HMCN1: variants seen among roughly 807,000 people sequenced by gnomAD.
HMCN1 encodes the protein hemicentin 1, also known as hemicentin-1.
In HMCN1, 321 loss-of-function variants were observed where a neutral mutation model predicts 625.9. That is an observed-to-expected ratio of 0.51 (90% CI 0.47 to 0.56). The LOEUF (loss-of-function observed/expected upper bound fraction) is 0.56. HMCN1 is among the 20% of genes least tolerant of loss of function. The pLI is 0.00. For synonymous variants in HMCN1, 2,425 were observed against 2,417.6 expected (o/e 1.00, Z -0.09); for missense variants, 6,588 against 6,887.3 (o/e 0.96, Z 1.54).
chr1:185,990,135 T>C (rs1335110503), intron 21 of HMCN1, 140 bp from the exon 22 acceptor site: 9 of 814,098 alleles, frequency 1.1e-5, no homozygotes, highest in Non-Finnish European at 1.7e-5. Flanking sequence ...AATGTATTAA[T>C]GGAAAGTTTT....
At chr1:185,953,779 T>C (rs1325330448) in intron 11 of HMCN1, among the ~76,000 whole-genome samples, 1 of 151,792 alleles carries the variant, frequency 6.6e-6, no homozygotes, top group Non-Finnish European at 1.5e-5. Context: ...CGCATCCGTG[T>C]GAAGAGACCA....
chr1:185,865,429 G>A (rs1663116724), intron 3 of HMCN1, among the ~76,000 whole-genome samples: 1 of 152,074 alleles, frequency 6.6e-6, no homozygotes, highest in African/African-American at 2.4e-5. Flanking sequence ...ATACAGGGAG[G>A]GGTGAGGAAT....
chr1:186,121,384 G>T (rs1430658436), intron 80 of HMCN1, among the ~76,000 whole-genome samples: 1 of 152,192 alleles, frequency 6.6e-6, no homozygotes, highest in Non-Finnish European at 1.5e-5. Context: ...TGGAGTTGTA[G>T]TGTGTTATTG....
intron 40 of HMCN1, among the ~76,000 whole-genome samples, chr1:186,041,970 A>T (rs1384913134): frequency 2.0e-5 from 3 of 152,164 alleles, no homozygotes; most frequent in Non-Finnish European, 4.4e-5. Flanking sequence ...GACAATGTGG[A>T]CCATGTTGTC....
At position 185,923,421 on chromosome 1, in the gene HMCN1, T is replaced by G; in HGVS notation, c.1053T>G (p.Ser351=). ...GIPTYVLLNT[S]GISTPARIDL... Reference sequence around the variant, plus strand: ...CTACCTATGTACTGCTCAATACTTCTGGAATTTCCACTCCAGCTAGAATAG... The same window carrying G: ...CTACCTATGTACTGCTCAATACTTCGGGAATTTCCACTCCAGCTAGAATAG... The change falls in exon 8 of 107, where the codon TCT becomes TCG. Residue 351 remains serine, a synonymous_variant. Coordinates refer to ENST00000271588, the MANE Select transcript of HMCN1 (RefSeq NM_031935.3). 6.2e-7 allele frequency: 1 copy of G among 1,611,264 alleles called. No homozygotes were observed. The highest frequency in any genetic ancestry group is 1.1e-5 in the South Asian group (1 of 91,020).
intron 4 of HMCN1, among the ~76,000 whole-genome samples, chr1:185,894,118 G>A (rs1336817568): frequency 6.6e-6 from 1 of 151,864 alleles, no homozygotes; most frequent in Non-Finnish European, 1.5e-5. Flanking sequence ...CTGGGCTACA[G>A]AGCGAGACTC....
chr1:186,103,290 C>T (rs568218000), intron 68 of HMCN1, among the ~76,000 whole-genome samples, 182 bp from the exon 69 acceptor site: 1 of 152,184 alleles, frequency 6.6e-6, no homozygotes, highest in South Asian at 2.1e-4. Context: ...AGGCATGATC[C>T]ATCCCTTTTG....
At chr1:185,745,465 C>T (rs78751146) in intron 1 of HMCN1, among the ~76,000 whole-genome samples, 7,294 of 152,222 alleles carry the variant, frequency 0.048, 498 homozygotes, top group African/African-American at 0.16. Context: ...AACAGCCTCC[C>T]GAATATGTAA....
intron 93 of HMCN1, among the ~76,000 whole-genome samples, chr1:186,148,343 G>A (rs1650454547): frequency 1.3e-5 from 2 of 151,984 alleles, no homozygotes; most frequent in African/African-American, 4.8e-5. Context: ...CTATGATGGG[G>A]GGAATCAACT....
chr1:186,115,303 T>C lies in HMCN1; in HGVS notation c.11450T>C (p.Val3817Ala). 1.2e-6 allele frequency: 2 copies of C among 1,614,042 alleles called. No homozygotes were observed. The highest frequency in any genetic ancestry group is 1.7e-6 in the Non-Finnish European group (2 of 1,179,954). ...APGPTNMTVIVNVQTTLACEA... is the reference protein window; with the variant it reads ...APGPTNMTVIANVQTTLACEA... ...GGTCCTACCAACATGACTGTAATAG[T>C]AAATGTTCAAACTACTCTGGCTTGT... Residue 3817 changes from valine (V) to alanine (A), a missense_variant, in exon 75 of 107, where the codon GTA becomes GCA. Val to Ala is a moderately conservative substitution (Grantham distance 64). This residue lies in a region of HMCN1 where 4,628 missense variants were observed against 4,853.1 expected (regional missense o/e 0.95). Coordinates refer to ENST00000271588, the MANE Select transcript of HMCN1 (RefSeq NM_031935.3).
Position 186,137,569 on chromosome 1 carries a change from A to T in HMCN1, c.13654A>T (p.Arg4552Trp). Reference protein sequence around the residue: ...SVTCGKGIQKRSRLCNQPLPA... With the variant: ...SVTCGKGIQKWSRLCNQPLPA... The stretch of plus-strand genomic sequence containing the variant: ...CACCTGTGGAAAAGGCATCCAAAAG[A>T]GGAGTCGTCTGTGCAACCAGCCCCT... The change falls in exon 88 of 107, where the codon AGG becomes TGG. Residue 4552 changes from arginine (R) to tryptophan (W), a missense_variant. Arg to Trp is a moderately radical substitution (Grantham distance 101). Coordinates refer to ENST00000271588, the MANE Select transcript of HMCN1 (RefSeq NM_031935.3). 6.2e-7 allele frequency: 1 copy of T among 1,613,924 alleles called. No individual in the cohort carries two copies.
At chr1:185,951,978 T>C (rs960454356) in intron 11 of HMCN1, among the ~76,000 whole-genome samples, 4 of 151,850 alleles carry the variant, frequency 2.6e-5, no homozygotes, top group South Asian at 2.1e-4. Flanking sequence ...TTTTATTTAA[T>C]GTCGGGAGCA....
At chr1:185,946,796 T>A (rs1020202362) in intron 11 of HMCN1, among the ~76,000 whole-genome samples, 1 of 152,190 alleles carries the variant, frequency 6.6e-6, no homozygotes, top group Non-Finnish European at 1.5e-5. Flanking sequence ...CATACAAAAT[T>A]TTGTACTAAG....
At chr1:185,841,014 A>T (rs1006903865) in intron 1 of HMCN1, among the ~76,000 whole-genome samples, 1 of 152,202 alleles carries the variant, frequency 6.6e-6, no homozygotes, top group African/African-American at 2.4e-5. Context: ...GTGGAAAGGA[A>T]AAAGGAAGTG....
At chr1:186,088,463 A>G (rs544047559) in intron 62 of HMCN1, 143 bp from the exon 63 acceptor site, 67 of 1,336,678 alleles carry the variant, frequency 5.0e-5, no homozygotes, top group Non-Finnish European at 6.7e-5. Context: ...TTTATAAAGA[A>G]TTTTTTCTTT....
At position 185,865,800 on chromosome 1, in the gene HMCN1, T is replaced by C. The variant is rs773130700; in HGVS notation, c.558T>C (p.Tyr186=). The C allele has an allele frequency of 9.9e-6, 16 of 1,612,714 alleles. No individual in the cohort carries two copies. Among genetic ancestry groups the C allele is most frequent in the Admixed American group, 1.7e-5 (1 of 59,968 alleles). ...DDRTHIGYKV[Y]EEIASTSSGQ... Reference sequence around the variant, plus strand: ...GGACCCATATTGGATATAAAGTCTATGAAGAAATTGCCTCTACAAGTTCTG... The same window carrying C: ...GGACCCATATTGGATATAAAGTCTACGAAGAAATTGCCTCTACAAGTTCTG... The change falls in exon 4 of 107, where the codon TAT becomes TAC. Residue 186 remains tyrosine (Y), a synonymous_variant. Coordinates refer to ENST00000271588, the MANE Select transcript of HMCN1 (RefSeq NM_031935.3).
At chr1:185,965,054 G>C (rs938586830) in intron 13 of HMCN1, among the ~76,000 whole-genome samples, 1 of 151,944 alleles carries the variant, frequency 6.6e-6, no homozygotes, top group African/African-American at 2.4e-5. Flanking sequence ...TACATGATCT[G>C]TGAGAAGTTA....
intron 38 of HMCN1, 48 bp from the exon 39 acceptor site, chr1:186,039,680 A>C (rs1656078322): frequency 6.3e-7 from 1 of 1,590,174 alleles, no homozygotes; most frequent in Non-Finnish European, 8.6e-7. Flanking sequence ...ATTTGAGATC[A>C]CAAATCCTGT....
intron 89 of HMCN1, among the ~76,000 whole-genome samples, chr1:186,141,511 A>T (rs994374834): frequency 1.3e-5 from 2 of 152,204 alleles, no homozygotes; most frequent in African/African-American, 4.8e-5. Context: ...AATCTTTTTT[A>T]AGATTGATAT....
Sources: gnomAD v4.1 joint callset for allele counts (sites outside exome capture counted in the v4.1 genomes callset) on GRCh38, gnomAD v4.1.1 for gene constraint, gnomAD v4.1.1 regional missense constraint, MANE v1.5 for transcripts, NCBI Gene and HGNC (gene_info 2026-07-23, HGNC 2026-07-21) for gene names.